NAV2: variants seen among roughly 807,000 people sequenced by gnomAD.
The protein encoded by NAV2 is neuron navigator 2.
NAV2 carries 54 observed loss-of-function variants against 223.2 expected under a neutral mutation model. The observed-to-expected ratio is 0.24, with a 90% CI of 0.19 to 0.30. The LOEUF (loss-of-function observed/expected upper bound fraction) is 0.30. NAV2 is among the 10% of genes least tolerant of loss of function. NAV2 has a pLI of 1.00. For missense variants in NAV2, 2,806 were observed against 3,147.5 expected, an observed-to-expected ratio of 0.89 and a Z score of 2.60; for synonymous variants, 1,279 against 1,239.3, an observed-to-expected ratio of 1.03 and a Z score of -0.67.
intron 1 of NAV2, among the ~76,000 whole-genome samples, chr11:19,681,820 G>A (rs1428209800): frequency 6.6e-6 from 1 of 152,182 alleles, no homozygotes; most frequent in African/African-American, 2.4e-5. Context: ...TGAGACCTGT[G>A]GACACATCTG....
At chr11:19,367,761 G>C (rs966669354) in intron 1 of NAV2, among the ~76,000 whole-genome samples, 2 of 152,204 alleles carry the variant, frequency 1.3e-5, no homozygotes, top group Admixed American at 6.5e-5. Context: ...TTTAGGGTTT[G>C]TATTTAAGAC....
intron 1 of NAV2, among the ~76,000 whole-genome samples, chr11:19,628,289 G>A (rs1442467170): frequency 6.6e-6 from 1 of 152,208 alleles, no homozygotes; most frequent in Admixed American, 6.5e-5. Context: ...TGGGTGAGGA[G>A]CAAGGCTCTG....
intron 4 of NAV2, among the ~76,000 whole-genome samples, chr11:19,873,020 C>A (rs558719370): frequency 1.3e-5 from 2 of 152,186 alleles, no homozygotes; most frequent in African/African-American, 4.8e-5. Flanking sequence ...TAAAACTGCC[C>A]CTGTGAGGAA....
Position 19,370,899 on chromosome 11 carries a change from C to T in NAV2, c.75+19872C>T, listed in dbSNP as rs537141473. 3.9e-5 allele frequency among the ~76,000 whole-genome samples: 6 copies of T among 152,320 alleles called. No individual in the cohort carries two copies. The South Asian group carries it at 1.0e-3, about 26-fold the overall frequency. On this transcript the variant is annotated intron_variant, in intron 1 of 37. Transcript: ENST00000360655. ...TCTGAATTTTGGGACGATTCCATGG[C>T]TTCATGGGAAGAGGGCGTTTTCTTG...
intron 3 of NAV2, 21 bp from the exon 4 acceptor site, chr11:19,868,904 A>T: frequency 1.2e-6 from 2 of 1,611,426 alleles, no homozygotes; most frequent in Non-Finnish European, 1.7e-6. Flanking sequence ...TTAAGTATAT[A>T]TTGTTGTTTT....
intron 4 of NAV2, 75 bp downstream of exon 4, chr11:19,869,072 A>G: frequency 7.2e-7 from 1 of 1,385,246 alleles, no homozygotes; most frequent in Non-Finnish European, 1.0e-6. Context: ...GAATGATATT[A>G]ACACCATTAT....
intron 16 of NAV2, 114 bp from the exon 17 acceptor site, chr11:20,051,175 C>T (rs573418442): frequency 1.2e-6 from 1 of 833,204 alleles, no homozygotes; most frequent in East Asian, 2.4e-5. Flanking sequence ...AAGGCACTTC[C>T]TGGTGATGTG....
intron 1 of NAV2, among the ~76,000 whole-genome samples, chr11:19,496,317 G>C (rs2134115407): frequency 6.6e-6 from 1 of 152,240 alleles, no homozygotes; most frequent in East Asian, 1.9e-4. Context: ...AGGAATCCAG[G>C]AGCAGCTTAG....
intron 1 of NAV2, among the ~76,000 whole-genome samples, chr11:19,762,526 C>G (rs1326696875): frequency 6.6e-6 from 1 of 152,130 alleles, no homozygotes; most frequent in African/African-American, 2.4e-5. Flanking sequence ...AGCCTTGGCT[C>G]CTAATCTTCT....
intron 8 of NAV2, among the ~76,000 whole-genome samples, chr11:19,945,579 A>C (rs1186274497): frequency 6.6e-6 from 1 of 152,172 alleles, no homozygotes; most frequent in African/African-American, 2.4e-5. Flanking sequence ...TCCTGGGCTC[A>C]AGCGATCTGC....
At chr11:19,817,693 G>A (rs555420626) in intron 1 of NAV2, among the ~76,000 whole-genome samples, 1 of 152,284 alleles carries the variant, frequency 6.6e-6, no homozygotes, top group South Asian at 2.1e-4. Flanking sequence ...TAACAAGCAC[G>A]CTGAGAGGTC....
In NAV2 at chr11:20,105,494, C is replaced by T. The variant is rs762007624; in HGVS notation, c.6645-37C>T. 7.6e-6 allele frequency: 12 copies of T among 1,569,580 alleles called. No homozygotes were observed. In the African/African-American group the frequency reaches 1.2e-4, roughly 16 times the overall value. ...TGAGGTCAGCCATCATTTGGATCAC[C>T]ATCATCAGCTTGAAAAGTGTTTCTG... is the stretch of plus-strand genomic sequence containing the variant. On this transcript the variant is annotated intron_variant, in intron 34 of 37. Transcript: ENST00000349880.
chr11:19,957,616 A>G (rs561621406), intron 10 of NAV2, among the ~76,000 whole-genome samples: 17 of 152,352 alleles, frequency 1.1e-4, no homozygotes, highest in Admixed American at 1.1e-3. Flanking sequence ...TGAGTGCAGG[A>G]AACCTACTAG....
chr11:19,712,033 C>G (rs1424737395), upstream of NAV2: 1 of 152,282 alleles, frequency 6.6e-6, no homozygotes, highest in African/African-American at 2.4e-5. Flanking sequence ...CATCCACTTT[C>G]AGTCAGCGAG....
intron 1 of NAV2, among the ~76,000 whole-genome samples, chr11:19,562,421 G>A (rs1280195964): frequency 6.6e-6 from 1 of 152,170 alleles, no homozygotes; most frequent in Non-Finnish European, 1.5e-5. Context: ...ATCCTTTAGG[G>A]CAGGATAAGA....
intron 9 of NAV2, among the ~76,000 whole-genome samples, chr11:19,947,389 C>T (rs779207188): frequency 3.9e-5 from 6 of 152,168 alleles, no homozygotes; most frequent in Admixed American, 2.0e-4. Context: ...AGAGTAAACT[C>T]GGGGGTTTGG....
chr11:19,346,466 G>T (rs1034622921), upstream of NAV2, among the ~76,000 whole-genome samples: 1 of 152,222 alleles, frequency 6.6e-6, no homozygotes, highest in Non-Finnish European at 1.5e-5. Context: ...GGGAGGGGGC[G>T]CCCGAGCACT....
chr11:19,660,589 C>T (rs1241005153), intron 1 of NAV2, among the ~76,000 whole-genome samples: 1 of 152,170 alleles, frequency 6.6e-6, no homozygotes, highest in Non-Finnish European at 1.5e-5. Flanking sequence ...GATAACCCAA[C>T]CACCTCTGGT....
At chr11:20,081,972 CG>C (rs922199764) in intron 25 of NAV2, among the ~76,000 whole-genome samples, 43 of 151,786 alleles carry the variant, frequency 2.8e-4, no homozygotes, top group African/African-American at 9.7e-4. Context: ...GCAACAGAGG[CG>C]GGGGGGAAAG....
Sources: allele counts gnomAD v4.1 joint callset (sites outside exome capture counted in the v4.1 genomes callset), GRCh38; gene constraint gnomAD v4.1.1; transcripts MANE v1.5; gene names NCBI Gene and HGNC (gene_info 2026-07-23, HGNC 2026-07-21).